Variants in GRIN2B observed in about 807,000 individuals in gnomAD.
The protein encoded by GRIN2B is glutamate receptor ionotropic, NMDA 2B.
In GRIN2B, 5 loss-of-function variants were observed where a neutral mutation model predicts 114.5. The ratio of observed to expected loss-of-function variants is 0.04; its 90% confidence interval spans 0.02 to 0.09. The LOEUF (loss-of-function observed/expected upper bound fraction) is 0.09, where lower values mean the gene tolerates loss of function less well. Among genes scored for constraint, GRIN2B ranks in the 10% least tolerant of loss-of-function variants. The pLI, the probability that GRIN2B is intolerant of heterozygous loss-of-function variation, is 1.00. For synonymous variants in GRIN2B, 787 were observed against 745.1 expected, an observed-to-expected ratio of 1.06 and a Z score of -0.92; for missense variants, 1,108 against 1,943.5, an observed-to-expected ratio of 0.57 and a Z score of 8.08.
chr12:13,763,799 C>T (rs769500822), intron 3 of GRIN2B, among the ~76,000 whole-genome samples: 1 of 152,166 alleles, frequency 6.6e-6, no homozygotes, highest in South Asian at 2.1e-4. Flanking sequence ...CCTTGGCCTG[C>T]AATACAAATT....
chr12:13,655,664 T>C lies in GRIN2B; in HGVS notation c.1125+20081A>G, dbSNP rs143163768. On this transcript the variant is annotated intron_variant, in intron 5 of 13. Transcript: ENST00000609686. ...AGTCACTAAACCTCTCTGGGCCTCA[T>C]GTTGTTGGCCTATATTTGTTTTTGT... is the stretch of plus-strand genomic sequence containing the variant. Among the ~76,000 whole-genome samples, 909 of 152,306 alleles carry C rather than the reference T, an allele frequency of 6.0e-3. 11 individuals are homozygous for C. Among genetic ancestry groups the C allele is most frequent in the Non-Finnish European group, 7.7e-3 (522 of 68,026 alleles).
chr12:13,643,704 CT>C (rs1949739645), intron 5 of GRIN2B, among the ~76,000 whole-genome samples: 1 of 152,168 alleles, frequency 6.6e-6, no homozygotes, highest in Admixed American at 6.6e-5. Flanking sequence ...AACCCTACTA[CT>C]GCTTTATCAA....
At chr12:13,684,385 T>G (rs1290168068) in intron 4 of GRIN2B, among the ~76,000 whole-genome samples, 3 of 152,198 alleles carry the variant, frequency 2.0e-5, no homozygotes, top group Non-Finnish European at 2.9e-5. Flanking sequence ...TGAGGCTGCC[T>G]TTTGATGCCA....
chr12:13,907,199 G>T (rs1007413607), intron 2 of GRIN2B, among the ~76,000 whole-genome samples: 1 of 152,146 alleles, frequency 6.6e-6, no homozygotes, highest in Non-Finnish European at 1.5e-5. Flanking sequence ...CTAAGAAAAA[G>T]CCTCCAGAGG....
intron 2 of GRIN2B, among the ~76,000 whole-genome samples, chr12:13,886,434 G>A (rs1866159197): frequency 6.6e-6 from 1 of 152,192 alleles, no homozygotes; most frequent in Admixed American, 6.5e-5. Flanking sequence ...ATGCCTAGAA[G>A]CTAAATAAGT....
intron 2 of GRIN2B, among the ~76,000 whole-genome samples, chr12:13,972,299 A>G (rs1399129583): frequency 1.3e-5 from 2 of 152,182 alleles, no homozygotes; most frequent in African/African-American, 4.8e-5. Flanking sequence ...GTTCAAAATC[A>G]CTGCTTCAGA....
intron 3 of GRIN2B, among the ~76,000 whole-genome samples, chr12:13,768,299 G>T (rs1416672771): frequency 6.6e-6 from 1 of 152,162 alleles, no homozygotes; most frequent in Non-Finnish European, 1.5e-5. Flanking sequence ...CTGCAGTCTG[G>T]GCCTGGCTAG....
chr12:13,884,428 C>A (rs1866120098), intron 2 of GRIN2B, among the ~76,000 whole-genome samples: 1 of 152,074 alleles, frequency 6.6e-6, no homozygotes, highest in African/African-American at 2.4e-5. Flanking sequence ...TCTAATTGTT[C>A]ATTGATAATA....
chr12:13,642,335 G>A (rs962578647), intron 5 of GRIN2B, among the ~76,000 whole-genome samples: 3 of 152,150 alleles, frequency 2.0e-5, no homozygotes, highest in African/African-American at 7.2e-5. Context: ...TCACTTGTGG[G>A]CACACTCTGC....
chr12:13,653,503 G>C (rs574300322), intron 5 of GRIN2B, among the ~76,000 whole-genome samples: 50 of 152,094 alleles, frequency 3.3e-4, no homozygotes, highest in African/African-American at 1.1e-3. Flanking sequence ...AATAAATAAG[G>C]GAAGGCAGAG....
chr12:13,691,352 T>C (rs1002867704), intron 4 of GRIN2B, among the ~76,000 whole-genome samples: 4 of 145,580 alleles, frequency 2.7e-5, no homozygotes, highest in African/African-American at 1.1e-4. Context: ...TGTTTGTAGA[T>C]AACACCAGGA....
intron 3 of GRIN2B, among the ~76,000 whole-genome samples, chr12:13,764,610 A>C (rs1863744207): frequency 1.3e-5 from 2 of 152,196 alleles, no homozygotes; most frequent in Non-Finnish European, 2.9e-5. Context: ...AAATAAGAAA[A>C]AATCTTCCCT....
At chr12:13,657,313 T>C (rs1197713963) in intron 5 of GRIN2B, among the ~76,000 whole-genome samples, 1 of 152,188 alleles carries the variant, frequency 6.6e-6, no homozygotes, top group Non-Finnish European at 1.5e-5. Context: ...CTTTTCCATG[T>C]TCTAAAAGCT....
intron 2 of GRIN2B, among the ~76,000 whole-genome samples, chr12:13,973,791 T>C (rs1591648852): frequency 6.6e-6 from 1 of 152,022 alleles, no homozygotes; most frequent in African/African-American, 2.4e-5. Flanking sequence ...AACCACAACA[T>C]ACAAAGAATG....
In GRIN2B at chr12:13,794,038, CAAAA is replaced by C. The variant is rs59335663; in HGVS notation, c.412-40127_412-40124del. On this transcript the variant is annotated intron_variant, in intron 3 of 13. Coordinates refer to ENST00000609686, the MANE Select transcript of GRIN2B (RefSeq NM_000834.5). ...GCAACATGGCAAAATCCCATCTCTA[CAAAA>C]AAAAAAAAAAAAAAAAAAATACAAA... Among the ~76,000 whole-genome samples, 398 of 79,208 alleles carry C rather than the reference CAAAA, an allele frequency of 5.0e-3. No homozygotes were observed. The Middle Eastern group carries it at 0.059, about 12-fold the overall frequency. The allele number at this position is 79,208 out of a possible 152,430, so 52.0% of individuals were successfully genotyped here.
intron 5 of GRIN2B, among the ~76,000 whole-genome samples, chr12:13,648,498 T>C (rs1949784289): frequency 6.6e-6 from 1 of 151,898 alleles, no homozygotes. Context: ...AGGCAGCAGG[T>C]GTGAAAAGCT....
At chr12:13,963,527 A>G (rs1867735515) in intron 2 of GRIN2B, among the ~76,000 whole-genome samples, 1 of 152,188 alleles carries the variant, frequency 6.6e-6, no homozygotes, top group Non-Finnish European at 1.5e-5. Context: ...CAGGATATGG[A>G]CAAGAGAGGC....
chr12:13,570,192 A>G (rs184102482), intron 11 of GRIN2B, among the ~76,000 whole-genome samples, 175 bp from the exon 12 acceptor site: 9 of 152,304 alleles, frequency 5.9e-5, no homozygotes, highest in Admixed American at 5.2e-4. Flanking sequence ...GCTGTTCTTT[A>G]TGTGCTTTTG....
At chr12:13,850,795 A>G (rs1865549006) in intron 3 of GRIN2B, among the ~76,000 whole-genome samples, 1 of 152,190 alleles carries the variant, frequency 6.6e-6, no homozygotes, top group African/African-American at 2.4e-5. Flanking sequence ...AGTGAAGCAT[A>G]CTGGTGAAAT....
Sources: gnomAD v4.1 joint callset for allele counts (sites outside exome capture counted in the v4.1 genomes callset) on GRCh38, gnomAD v4.1.1 for gene constraint, MANE v1.5 for transcripts, NCBI Gene and HGNC (gene_info 2026-07-23, HGNC 2026-07-21) for gene names.